TSPAN5: variants seen among roughly 807,000 people sequenced by gnomAD.
TSPAN5 encodes tetraspanin 5.
TSPAN5 carries 10 observed loss-of-function variants against 37.1 expected under a neutral mutation model. The ratio of observed to expected loss-of-function variants is 0.27; its 90% CI spans 0.17 to 0.46. The LOEUF is 0.46. TSPAN5 is among the 20% of genes least tolerant of loss of function. TSPAN5 has a pLI of 1.00. For missense variants in TSPAN5, 195 were observed against 326.6 expected (o/e 0.60, Z 3.11); for synonymous variants, 110 against 118.9 (o/e 0.93, Z 0.48).
chr4:98,519,817 G>GCTTA (rs1357978618), intron 1 of TSPAN5, among the ~76,000 whole-genome samples: 2 of 152,184 alleles, frequency 1.3e-5, no homozygotes, highest in African/African-American at 4.8e-5. Flanking sequence ...GTCAAACTTA[G>GCTTA]CTTAGCATTC....
At chr4:98,606,590 G>A (rs1009177047) in intron 1 of TSPAN5, among the ~76,000 whole-genome samples, 11 of 152,194 alleles carry the variant, frequency 7.2e-5, no homozygotes, top group African/African-American at 2.2e-4. Context: ...AAGTATTTAT[G>A]TATTAGGGTT....
intron 1 of TSPAN5, among the ~76,000 whole-genome samples, chr4:98,567,977 C>A (rs181465747): frequency 1.4e-4 from 21 of 152,190 alleles, no homozygotes; most frequent in Admixed American, 1.4e-3. Flanking sequence ...GGGATGACAA[C>A]AGGATCTACT....
intron 1 of TSPAN5, among the ~76,000 whole-genome samples, chr4:98,613,660 TG>T (rs1393005660): frequency 6.6e-6 from 1 of 151,940 alleles, no homozygotes; most frequent in African/African-American, 2.4e-5. Flanking sequence ...TAGTCCCTAT[TG>T]TAAACATCAA....
intron 1 of TSPAN5, among the ~76,000 whole-genome samples, chr4:98,581,306 A>C (rs1755364821): frequency 6.6e-6 from 1 of 152,222 alleles, no homozygotes; most frequent in Non-Finnish European, 1.5e-5. Context: ...CCAAGCTTAA[A>C]GGGAAAAATC....
intron 2 of TSPAN5, among the ~76,000 whole-genome samples, chr4:98,498,721 C>A (rs971643606): frequency 6.6e-6 from 1 of 152,138 alleles, no homozygotes; most frequent in African/African-American, 2.4e-5. Context: ...GGGCACCTCC[C>A]GGGAGCTCTG....
At chr4:98,504,901 T>C (rs1265931976) in intron 2 of TSPAN5, among the ~76,000 whole-genome samples, 1 of 152,140 alleles carries the variant, frequency 6.6e-6, no homozygotes, top group Non-Finnish European at 1.5e-5. Context: ...CTACTTCTCA[T>C]AGTTCTGGAT....
intron 2 of TSPAN5, among the ~76,000 whole-genome samples, chr4:98,490,142 G>A (rs918832935): frequency 1.3e-5 from 2 of 152,104 alleles, no homozygotes; most frequent in Non-Finnish European, 2.9e-5. Flanking sequence ...CGGCTCACAA[G>A]TCTGAACAAA....
At chr4:98,494,768 G>A (rs573150549) in intron 2 of TSPAN5, among the ~76,000 whole-genome samples, 6 of 152,104 alleles carry the variant, frequency 3.9e-5, no homozygotes, top group Non-Finnish European at 8.8e-5. Context: ...TTTGCTCTGG[G>A]TACTTGCCCT....
At chr4:98,658,050 G>A (rs1757327635) in intron 1 of TSPAN5, 96 bp downstream of exon 1, 2 of 1,096,916 alleles carry the variant, frequency 1.8e-6, no homozygotes, top group Non-Finnish European at 1.4e-6. Flanking sequence ...AAGCGCCTGC[G>A]GGGCTGCGAA....
At chr4:98,488,072 C>T (rs1014961367) in intron 2 of TSPAN5, among the ~76,000 whole-genome samples, 3 of 152,146 alleles carry the variant, frequency 2.0e-5, no homozygotes, top group Non-Finnish European at 2.9e-5. Flanking sequence ...AAAGCACTCC[C>T]AATAACCTGT....
rs112583919 is a variant in TSPAN5 at position 98,614,472 on chromosome 4, C to T, written c.81+43674G>A. On this transcript the variant is annotated intron_variant, in intron 1 of 7. Transcript: ENST00000305798. Reference sequence around the variant, plus strand: ...CTTGTGAAACCCTAGGCCCAGCCAACTGGACCCAAAGTGAACATATGACCC... The same window carrying T: ...CTTGTGAAACCCTAGGCCCAGCCAATTGGACCCAAAGTGAACATATGACCC... Among the ~76,000 whole-genome samples the T allele has an allele frequency of 2.4e-3, 366 of 152,260 alleles. 1 individual carries two copies. The highest frequency in any genetic ancestry group is 8.3e-3 in the African/African-American group (345 of 41,552).
chr4:98,504,432 T>C (rs1330776335), intron 2 of TSPAN5, among the ~76,000 whole-genome samples: 1 of 152,142 alleles, frequency 6.6e-6, no homozygotes, highest in African/African-American at 2.4e-5. Flanking sequence ...ACCAAGGAGA[T>C]CAACACACTT....
chr4:98,530,567 T>C (rs1277873254), intron 1 of TSPAN5, among the ~76,000 whole-genome samples: 1 of 152,186 alleles, frequency 6.6e-6, no homozygotes, highest in Non-Finnish European at 1.5e-5. Context: ...TGATGGGATG[T>C]GCATTGGACT....
intron 7 of TSPAN5, 71 bp downstream of exon 7, chr4:98,476,118 G>T (rs1752689861): frequency 4.9e-6 from 6 of 1,212,580 alleles, no homozygotes; most frequent in Non-Finnish European, 7.3e-6. Context: ...TTTAAGCAAA[G>T]CTCCGATCCT....
intron 1 of TSPAN5, among the ~76,000 whole-genome samples, chr4:98,600,160 T>C (rs28877576): frequency 5.9e-5 from 9 of 152,216 alleles, no homozygotes; most frequent in African/African-American, 2.2e-4. Flanking sequence ...AAATACTTTA[T>C]AGCCAAAAAT....
intron 1 of TSPAN5, among the ~76,000 whole-genome samples, chr4:98,510,666 T>C (rs1483594564): frequency 6.6e-6 from 1 of 152,228 alleles, no homozygotes; most frequent in East Asian, 1.9e-4. Context: ...TAAAGAAGAC[T>C]CACAGACAAT....
intron 1 of TSPAN5, among the ~76,000 whole-genome samples, chr4:98,567,548 C>T (rs551544005): frequency 6.6e-6 from 1 of 152,312 alleles, no homozygotes; most frequent in South Asian, 2.1e-4. Context: ...CATTATTATG[C>T]CTTTTTTCAG....
chr4:98,652,408 T>C (rs1757210755), intron 1 of TSPAN5, among the ~76,000 whole-genome samples: 1 of 152,262 alleles, frequency 6.6e-6, no homozygotes, highest in South Asian at 2.1e-4. Flanking sequence ...CACCATATTC[T>C]TGAAGAACAT....
intron 1 of TSPAN5, among the ~76,000 whole-genome samples, chr4:98,610,175 G>A (rs1756147171): frequency 6.6e-6 from 1 of 152,162 alleles, no homozygotes; most frequent in Non-Finnish European, 1.5e-5. Flanking sequence ...CCGAGGAGCT[G>A]GCATTTGCAA....
Sources: gnomAD v4.1 joint callset for allele counts (sites outside exome capture counted in the v4.1 genomes callset) on GRCh38, gnomAD v4.1.1 for gene constraint, MANE v1.5 for transcripts, NCBI Gene and HGNC (gene_info 2026-07-23, HGNC 2026-07-21) for gene names.